Variants in SYNE2 observed in about 807,000 individuals in gnomAD.
The protein encoded by SYNE2 is nesprin-2.
SYNE2 carries 431 observed loss-of-function variants against 856.3 expected under a neutral mutation model. The ratio of observed to expected loss-of-function variants is 0.50; its 90% CI spans 0.47 to 0.55. The LOEUF (loss-of-function observed/expected upper bound fraction) is 0.55. SYNE2 is among the 20% of genes least tolerant of loss of function. The pLI is 0.00. For synonymous variants in SYNE2, 2,923 were observed against 2,872.3 expected (o/e 1.02, Z -0.56); for missense variants, 8,129 against 8,023.2 (o/e 1.01, Z -0.50).
At chr14:63,956,282 A>G (rs573767130) in intron 8 of SYNE2, 4 of 396,294 alleles carry the variant, frequency 1.0e-5, no homozygotes, top group Non-Finnish European at 2.0e-5. Context: ...GATACAATAG[A>G]CAGATAGCCT....
rs567399505 is a variant in SYNE2, at chr14:64,118,666, G to A, written c.12841-761G>A. Among the ~76,000 whole-genome samples, 8 of 152,188 alleles carry A rather than the reference G, an allele frequency of 5.3e-5. No homozygotes were observed. In the South Asian group the frequency reaches 1.7e-3, roughly 32 times the overall value. On this transcript the variant is annotated intron_variant, in intron 66 of 115. Coordinates refer to ENST00000555002, the MANE Select transcript of SYNE2 (RefSeq NM_182914.3). ...TCACGAGGTCAGGAGTTTGAGACCA[G>A]CCTGGCCAAAATGGCGAAACGCCAT...
chr14:63,831,015 A>G (rs1053745225), intron 1 of SYNE2, among the ~76,000 whole-genome samples: 2 of 151,660 alleles, frequency 1.3e-5, no homozygotes, highest in Non-Finnish European at 1.5e-5. Flanking sequence ...TAATTTTTGT[A>G]TTTTTAGCAG....
chr14:64,209,844 G>A (rs1363389535), intron 102 of SYNE2, 98 bp from the exon 103 acceptor site: 11 of 1,531,682 alleles, frequency 7.2e-6, no homozygotes, highest in Non-Finnish European at 9.9e-6. Flanking sequence ...GCAGTTTGGG[G>A]ATGAACCCCT....
chr14:64,214,038 GA>G (rs2098654647), intron 105 of SYNE2, 155 bp from the exon 106 acceptor site: 8 of 1,129,290 alleles, frequency 7.1e-6, no homozygotes, highest in Admixed American at 5.1e-5. Context: ...GGAATAACCA[GA>G]AACAGGACCT....
At chr14:63,782,925 T>A (rs1041985947) in intron 1 of SYNE2, among the ~76,000 whole-genome samples, 57 of 152,140 alleles carry the variant, frequency 3.7e-4, no homozygotes, top group African/African-American at 1.3e-3. Flanking sequence ...AAAATATTAA[T>A]TTTAAAATGG....
Position 64,132,397 on chromosome 14 carries a change from A to G in SYNE2, c.14473A>G (p.Lys4825Glu), listed in dbSNP as rs1165791071. ...QVTEVKILEE[K>E]SRQCGMKLQS... ...AACAGAAGTTAAAATACTAGAAGAA[A>G]AGTCACGCCAATGTGGTATGAAGCT... Residue 4825 changes from lysine to glutamate, a missense_variant, in exon 77 of 116, where the codon AAG becomes GAG. Lys to Glu is a moderately conservative substitution (Grantham distance 56, BLOSUM62 1). Coordinates refer to ENST00000555002, the MANE Select transcript of SYNE2 (RefSeq NM_182914.3). 1 of 1,614,218 alleles carries G rather than the reference A, an allele frequency of 6.2e-7. No individual in the cohort carries two copies. The highest frequency in any genetic ancestry group is 1.1e-5 in the South Asian group (1 of 91,078).
At chr14:64,213,893 G>T (rs1357504078) in intron 105 of SYNE2, among the ~76,000 whole-genome samples, 1 of 152,058 alleles carries the variant, frequency 6.6e-6, no homozygotes, top group Non-Finnish European at 1.5e-5. Context: ...TGAAACTTTG[G>T]CCACCATTTC....
Position 64,225,325 on chromosome 14 carries a change from C to A in SYNE2, c.20523C>A (p.Pro6841=). The A allele has an allele frequency of 6.2e-7, 1 of 1,614,088 alleles. No individual in the cohort carries two copies. The highest frequency in any genetic ancestry group is 8.5e-7 in the Non-Finnish European group (1 of 1,180,014). The change falls in exon 116 of 116, where the codon CCC becomes CCA. Residue 6841 remains proline (P), a synonymous_variant. Transcript: ENST00000555002. ...EGEEETESRV[P]GSTRPQRSFL... is the part of the protein sequence containing the mutation. Reference sequence around the variant, plus strand: ...CAACCTCCTCTGTTGGCAGGGTCCCCGGCAGCACACGGCCACAGCGCTCCT... The same window carrying A: ...CAACCTCCTCTGTTGGCAGGGTCCCAGGCAGCACACGGCCACAGCGCTCCT...
intron 90 of SYNE2, 137 bp from the exon 91 acceptor site, chr14:64,167,096 C>T: frequency 9.5e-7 from 1 of 1,050,514 alleles, no homozygotes; most frequent in Non-Finnish European, 1.4e-6. Flanking sequence ...CTAACATTAG[C>T]AAGCTGTTTG....
chr14:64,119,528 G>A lies in SYNE2; in HGVS notation c.12942G>A (p.Ala4314=), dbSNP rs762957203. 31 of 1,614,182 alleles carry A rather than the reference G, an allele frequency of 1.9e-5. No individual in the cohort carries two copies. Among genetic ancestry groups the A allele is most frequent in the Admixed American group, 3.3e-5 (2 of 60,020 alleles). The change falls in exon 67 of 116, where the codon GCG becomes GCA. Residue 4314 remains alanine (A), a synonymous_variant. Coordinates refer to ENST00000555002, the MANE Select transcript of SYNE2 (RefSeq NM_182914.3). The stretch of plus-strand genomic sequence containing the variant: ...GAGCCACTCAACATGAGGCTGAAGC[G>A]CTTTCCCTGAAACTGAAAACAGTGA... The part of the protein sequence containing the change: ...DNGATQHEAE[A]LSLKLKTVKC...
chr14:63,817,337 T>C (rs971717494), intron 1 of SYNE2, among the ~76,000 whole-genome samples: 2 of 151,958 alleles, frequency 1.3e-5, no homozygotes, highest in African/African-American at 4.8e-5. Context: ...CACGGTGGCA[T>C]GTGCCTGTAG....
intron 2 of SYNE2, among the ~76,000 whole-genome samples, chr14:63,913,545 C>G (rs964432968): frequency 2.6e-5 from 4 of 151,192 alleles, no homozygotes; most frequent in Admixed American, 2.0e-4. Flanking sequence ...TCACTGCAAC[C>G]TCCGCCTCCA....
intron 107 of SYNE2, 149 bp downstream of exon 107, chr14:64,215,503 A>G (rs1479942855): frequency 1.2e-6 from 1 of 824,932 alleles, no homozygotes; most frequent in Non-Finnish European, 2.1e-6. Flanking sequence ...ACACTGCCGT[A>G]CTCACCCATA....
In SYNE2 at chr14:64,158,720, C is replaced by T. The variant is rs772838959; in HGVS notation, c.15888C>T (p.Phe5296=). The T allele has an allele frequency of 2.0e-5, 33 of 1,613,876 alleles. No individual in the cohort carries two copies. Among genetic ancestry groups the T allele is most frequent in the Non-Finnish European group, 2.6e-5 (31 of 1,179,934 alleles). The change falls in exon 86 of 116, where the codon TTC becomes TTT. Residue 5296 remains phenylalanine (F), a synonymous_variant. Coordinates refer to ENST00000555002, the MANE Select transcript of SYNE2 (RefSeq NM_182914.3). ...AAGTGAATATGATGACAATCCGATT[C>T]TGGTACTGCATGGAACACAGCAAGC... ...YDEVNMMTIR[F]WYCMEHSKPV...
intron 109 of SYNE2, 104 bp from the exon 110 acceptor site, chr14:64,219,104 G>GTTTTTTTGT: frequency 7.4e-6 from 3 of 407,786 alleles, no homozygotes; most frequent in East Asian, 1.2e-4. Flanking sequence ...CAGTTTTTTT[G>GTTTTTTTGT]TTTTTTTTTT....
chr14:63,810,263 G>T (rs1243349090), intron 1 of SYNE2, among the ~76,000 whole-genome samples: 1 of 151,498 alleles, frequency 6.6e-6, no homozygotes, highest in African/African-American at 2.4e-5. Flanking sequence ...AAAAAAGAAA[G>T]ATGTTTAACT....
intron 53 of SYNE2, chr14:64,075,732 G>A: frequency 1.9e-6 from 1 of 532,720 alleles, no homozygotes; most frequent in Non-Finnish European, 3.4e-6. Flanking sequence ...ACACTATGAA[G>A]AGATATCAAG....
At position 64,219,124 on chromosome 14, in the gene SYNE2, T is replaced by TA. The variant is rs1555556244; in HGVS notation, c.19658-82dup. On this transcript the variant is annotated intron_variant, in intron 109 of 115. Transcript: ENST00000555002. ...TTTTTGTTTTTTTTTTTTTTTTTTT[T>TA]AACCACCCTGACCCCTAATTAGCTG... The TA allele has an allele frequency of 5.0e-3, 4,236 of 843,506 alleles. 20 individuals carry two copies. Among genetic ancestry groups the TA allele is most frequent in the African/African-American group, 0.021 (1,140 of 54,002 alleles). The allele number at this position is 843,506 out of a possible 1,614,324, so 52.3% of individuals were successfully genotyped here.
rs1302734045 is a variant in SYNE2, at chr14:64,170,126, A to G, written c.17001-102A>G. 2.1e-5 allele frequency: 24 copies of G among 1,129,164 alleles called. No individual in the cohort carries two copies. The South Asian group carries it at 2.8e-4, about 13-fold the overall frequency. The allele number at this position is 1,129,164 out of a possible 1,614,324, so 69.9% of individuals were successfully genotyped here. Reference sequence around the variant, plus strand: ...TAGAAGTTGGGATTTTTTTCATGTAAATTGTACTTATAAAAACTGAATCTG... The same window carrying G: ...TAGAAGTTGGGATTTTTTTCATGTAGATTGTACTTATAAAAACTGAATCTG... On this transcript the variant is annotated intron_variant, in intron 93 of 115. Transcript: ENST00000555002.
Sources: allele counts gnomAD v4.1 joint callset (sites outside exome capture counted in the v4.1 genomes callset), GRCh38; gene constraint gnomAD v4.1.1; transcripts MANE v1.5; gene names NCBI Gene and HGNC (gene_info 2026-07-23, HGNC 2026-07-21).